Variants in OSBPL10 observed in about 807,000 individuals in gnomAD.
OSBPL10 encodes the protein oxysterol binding protein like 10.
In OSBPL10, 49 loss-of-function variants were observed where a neutral mutation model predicts 81.7. The observed-to-expected ratio is 0.60, with a 90% CI of 0.48 to 0.76. The LOEUF (loss-of-function observed/expected upper bound fraction) is 0.76. Ranked by LOEUF, OSBPL10 falls within the 30% of genes least tolerant of loss-of-function variation. OSBPL10 has a pLI of 0.00. For synonymous variants in OSBPL10, 419 were observed against 383.6 expected, an observed-to-expected ratio of 1.09 and a Z score of -1.08; for missense variants, 923 against 987.8, an observed-to-expected ratio of 0.93 and a Z score of 0.88.
intron 5 of OSBPL10, among the ~76,000 whole-genome samples, chr3:31,743,758 C>T (rs1210273812): frequency 1.3e-5 from 2 of 152,172 alleles, no homozygotes; most frequent in Non-Finnish European, 2.9e-5. Context: ...GACGGGCCTT[C>T]CTGCCCATCG....
At chr3:31,692,680 C>T (rs980588176) in intron 7 of OSBPL10, among the ~76,000 whole-genome samples, 3 of 152,220 alleles carry the variant, frequency 2.0e-5, no homozygotes, top group African/African-American at 7.2e-5. Flanking sequence ...GGGCACAGTG[C>T]TTGGGTTTCA....
chr3:31,961,186 C>T (rs1377720469), intron 1 of OSBPL10, among the ~76,000 whole-genome samples: 1 of 151,462 alleles, frequency 6.6e-6, no homozygotes, highest in South Asian at 2.1e-4. Context: ...CTCTTTGGCT[C>T]AACAATCAAA....
chr3:31,930,006 A>AC (rs1559522009), intron 1 of OSBPL10, among the ~76,000 whole-genome samples: 8 of 144,918 alleles, frequency 5.5e-5, no homozygotes, highest in South Asian at 2.3e-4. Flanking sequence ...CACCAACCAA[A>AC]AAAAAAAAAA....
intron 5 of OSBPL10, 101 bp from the exon 6 acceptor site, chr3:31,733,512 G>A (rs543934623): frequency 2.3e-4 from 332 of 1,441,914 alleles, no homozygotes; most frequent in Non-Finnish European, 1.9e-4. Context: ...TACTTGAAAA[G>A]GGCATGAGGT....
chr3:31,756,729 G>A (rs1697899431), intron 4 of OSBPL10, among the ~76,000 whole-genome samples: 1 of 152,184 alleles, frequency 6.6e-6, no homozygotes. Context: ...AGCTGTTGAT[G>A]GGGACATGGA....
At chr3:31,888,942 T>C (rs2125654594) in intron 1 of OSBPL10, among the ~76,000 whole-genome samples, 1 of 151,984 alleles carries the variant, frequency 6.6e-6, no homozygotes, top group East Asian at 1.9e-4. Context: ...ATAATAATAA[T>C]AATAATAATC....
chr3:31,703,233 A>C (rs1416895659), intron 6 of OSBPL10, among the ~76,000 whole-genome samples: 1 of 152,192 alleles, frequency 6.6e-6, no homozygotes, highest in African/African-American at 2.4e-5. Context: ...ATTGCACATA[A>C]AATTTTCCAG....
intron 1 of OSBPL10, among the ~76,000 whole-genome samples, chr3:31,945,881 T>C (rs1297517014): frequency 6.6e-6 from 1 of 152,204 alleles, no homozygotes; most frequent in Non-Finnish European, 1.5e-5. Context: ...CAGATCCTAT[T>C]ATGACTAAAA....
At chr3:31,990,750 GA>G in intron 2 of OSBPL10, 1 of 1,613,898 alleles carries the variant, frequency 6.2e-7, no homozygotes, top group Non-Finnish European at 8.5e-7. Context: ...AAACACATAA[GA>G]GAATTCATAC....
intron 1 of OSBPL10, among the ~76,000 whole-genome samples, chr3:31,971,071 T>C (rs2125490561): frequency 6.6e-6 from 1 of 152,016 alleles, no homozygotes; most frequent in Non-Finnish European, 1.5e-5. Flanking sequence ...TCCTCTGCAG[T>C]AGCACTCACC....
chr3:31,732,147 G>C (rs1418163179), intron 6 of OSBPL10, among the ~76,000 whole-genome samples: 1 of 152,172 alleles, frequency 6.6e-6, no homozygotes, highest in Non-Finnish European at 1.5e-5. Flanking sequence ...CACATCAGCT[G>C]CATGAGTTTC....
At chr3:31,816,469 G>A (rs1387924107) in intron 4 of OSBPL10, among the ~76,000 whole-genome samples, 3 of 152,148 alleles carry the variant, frequency 2.0e-5, no homozygotes, top group Non-Finnish European at 2.9e-5. Context: ...ATACAGATAC[G>A]TGCATTAAAA....
chr3:31,971,122 G>GTTTTTTTT (rs141324910), intron 1 of OSBPL10, among the ~76,000 whole-genome samples: 1 of 139,560 alleles, frequency 7.2e-6, no homozygotes. Context: ...TTTTTTTTCT[G>GTTTTTTTT]TTTTTTTTTC....
intron 1 of OSBPL10, among the ~76,000 whole-genome samples, chr3:31,885,141 G>A (rs1202436085): frequency 6.6e-6 from 1 of 152,120 alleles, no homozygotes. Context: ...GTTTCCAAAA[G>A]AAGCACAAAT....
At chr3:31,988,404 TA>T (rs1339622008) in intron 2 of OSBPL10, among the ~76,000 whole-genome samples, 4 of 152,142 alleles carry the variant, frequency 2.6e-5, no homozygotes, top group South Asian at 4.2e-4. Context: ...GGGAGGAATA[TA>T]AAAAAATTTG....
chr3:31,791,518 A>C (rs1699009332), intron 4 of OSBPL10, among the ~76,000 whole-genome samples: 1 of 152,214 alleles, frequency 6.6e-6, no homozygotes, highest in Non-Finnish European at 1.5e-5. Flanking sequence ...ATTCAGTCTT[A>C]TGCCCCAGAG....
At chr3:31,833,560 A>AG (rs1290881935) in intron 3 of OSBPL10, among the ~76,000 whole-genome samples, 1 of 152,222 alleles carries the variant, frequency 6.6e-6, no homozygotes, top group African/African-American at 2.4e-5. Context: ...GAAGTTGCTT[A>AG]GCACAAAATC....
chr3:31,911,951 T>C (rs1052007815), intron 1 of OSBPL10, among the ~76,000 whole-genome samples: 1 of 152,112 alleles, frequency 6.6e-6, no homozygotes, highest in Non-Finnish European at 1.5e-5. Context: ...TAATCCTCCA[T>C]GCAGACAAGC....
chr3:31,735,541 G>C (rs1317259780), intron 5 of OSBPL10, among the ~76,000 whole-genome samples: 1 of 152,152 alleles, frequency 6.6e-6, no homozygotes, highest in Non-Finnish European at 1.5e-5. Context: ...GCCTCATTTT[G>C]TTCTCTTCTC....
Sources: gnomAD v4.1 joint callset for allele counts (sites outside exome capture counted in the v4.1 genomes callset) on GRCh38, gnomAD v4.1.1 for gene constraint, MANE v1.5 for transcripts, NCBI Gene and HGNC (gene_info 2026-07-23, HGNC 2026-07-21) for gene names.